IL1RAPL2: variants seen among roughly 807,000 people sequenced by gnomAD.
The protein encoded by IL1RAPL2 is interleukin 1 receptor accessory protein like 2.
A neutral mutation model predicts 44.1 loss-of-function variants in IL1RAPL2; 3 were observed. The observed-to-expected ratio is 0.07, with a 90% CI of 0.03 to 0.18. The LOEUF (loss-of-function observed/expected upper bound fraction) is 0.18, where lower values mean the gene tolerates loss of function less well. Ranked by LOEUF, IL1RAPL2 falls within the 10% of genes least tolerant of loss-of-function variation. The pLI, the probability that IL1RAPL2 is intolerant of heterozygous loss-of-function variation, is 1.00. For missense variants in IL1RAPL2, 391 were observed against 496.4 expected, an observed-to-expected ratio of 0.79 and a Z score of 2.02; for synonymous variants, 181 against 178.8, an observed-to-expected ratio of 1.01 and a Z score of -0.10.
At chrX:105,593,418 T>C (rs778806917) in intron 6 of IL1RAPL2, among the ~76,000 whole-genome samples, 6 of 111,961 alleles carry the variant, frequency 5.4e-5, no homozygotes, top group Admixed American at 9.5e-5. Context: ...AGATCCTGAA[T>C]TCCATGTCTG....
chrX:105,610,881 G>A (rs1279771735), intron 6 of IL1RAPL2, among the ~76,000 whole-genome samples: 1 of 2,514 alleles, frequency 4.0e-4, no homozygotes, highest in African/African-American at 1.5e-3. Context: ...CACAAAAAAC[G>A]GTTAATTGTA....
At chrX:105,736,022 G>C in intron 7 of IL1RAPL2, among the ~76,000 whole-genome samples, 1 of 111,235 alleles carries the variant, frequency 9.0e-6, no homozygotes. Context: ...GCATGGTACT[G>C]GTACAAAAAC....
At chrX:105,318,230 C>G (rs1015081338) in intron 5 of IL1RAPL2, among the ~76,000 whole-genome samples, 19 of 111,317 alleles carry the variant, frequency 1.7e-4, no homozygotes, top group African/African-American at 6.2e-4. Context: ...ACCTCGGCCT[C>G]CCAAAGTGGT....
At chrX:104,950,569 C>T in intron 2 of IL1RAPL2, among the ~76,000 whole-genome samples, 1 of 112,817 alleles carries the variant, frequency 8.9e-6, no homozygotes, top group Admixed American at 9.3e-5. Flanking sequence ...CCTCCCCCAG[C>T]CTGGCTGCCG....
At chrX:105,171,936 G>A (rs1299971554) in intron 2 of IL1RAPL2, among the ~76,000 whole-genome samples, 1 of 112,229 alleles carries the variant, frequency 8.9e-6, no homozygotes, top group African/African-American at 3.2e-5. Flanking sequence ...GAGGAGTCAC[G>A]ATGTGACAGT....
At chrX:105,432,129 C>CTTTTTTT (rs386417369) in intron 5 of IL1RAPL2, among the ~76,000 whole-genome samples, 4 of 44,833 alleles carry the variant, frequency 8.9e-5, no homozygotes, top group Non-Finnish European at 1.1e-4. Flanking sequence ...TTCAATTTGC[C>CTTTTTTT]TTTTTTTTTT....
At chrX:105,029,257 T>C (rs1222096525) in intron 2 of IL1RAPL2, among the ~76,000 whole-genome samples, 2 of 107,524 alleles carry the variant, frequency 1.9e-5, no homozygotes, top group Non-Finnish European at 3.9e-5. Context: ...ATTTTTATTT[T>C]ATTATTATTA....
chrX:105,727,803 T>G (rs768637421), intron 7 of IL1RAPL2, among the ~76,000 whole-genome samples: 1 of 111,869 alleles, frequency 8.9e-6, no homozygotes, highest in Non-Finnish European at 1.9e-5. Context: ...CATATATAAC[T>G]TTTAAAACAT....
intron 6 of IL1RAPL2, among the ~76,000 whole-genome samples, chrX:105,567,647 A>G (rs997675982): frequency 9.0e-6 from 1 of 111,562 alleles, no homozygotes. Context: ...TTCCATTGCA[A>G]TGTCATTCTG....
chrX:105,617,222 T>C (rs1359719513), intron 6 of IL1RAPL2, among the ~76,000 whole-genome samples: 1 of 111,046 alleles, frequency 9.0e-6, no homozygotes, highest in Admixed American at 9.7e-5. Context: ...ACCAAGAAAA[T>C]TTCTCTACAG....
At chrX:105,156,733 A>G (rs1377132827) in intron 2 of IL1RAPL2, among the ~76,000 whole-genome samples, 6 of 112,388 alleles carry the variant, frequency 5.3e-5, no homozygotes, top group African/African-American at 1.9e-4. Flanking sequence ...TATGATCCCA[A>G]TATTATAAAG....
chrX:104,874,084 C>T (rs775340314), intron 2 of IL1RAPL2, among the ~76,000 whole-genome samples: 4 of 106,639 alleles, frequency 3.8e-5, no homozygotes, highest in Admixed American at 1.0e-4. Flanking sequence ...AGTGAATAGC[C>T]GTGTTAATCT....
At chrX:105,330,329 C>T (rs1049909079) in intron 5 of IL1RAPL2, among the ~76,000 whole-genome samples, 1 of 110,821 alleles carries the variant, frequency 9.0e-6, no homozygotes, top group African/African-American at 3.3e-5. Context: ...GTTTTCTGAT[C>T]TCAAAAAGCT....
intron 4 of IL1RAPL2, among the ~76,000 whole-genome samples, chrX:105,235,637 T>G (rs2034113859): frequency 8.9e-6 from 1 of 111,884 alleles, no homozygotes; most frequent in African/African-American, 3.2e-5. Context: ...AAGACAATAT[T>G]GTGACAGATA....
At chrX:104,689,338 A>T (rs1403304929) in intron 2 of IL1RAPL2, among the ~76,000 whole-genome samples, 3 of 111,282 alleles carry the variant, frequency 2.7e-5, no homozygotes. Context: ...GCACATGCTT[A>T]CCTAATTTTC....
intron 1 of IL1RAPL2, among the ~76,000 whole-genome samples, chrX:104,568,639 C>T (rs1262320254): frequency 8.9e-6 from 1 of 111,924 alleles, no homozygotes; most frequent in African/African-American, 3.2e-5. Flanking sequence ...AGCAGGGTCT[C>T]GGATACTTAG....
intron 2 of IL1RAPL2, among the ~76,000 whole-genome samples, chrX:104,976,909 A>AC (rs1423829888): frequency 9.1e-6 from 1 of 110,367 alleles, no homozygotes; most frequent in South Asian, 3.9e-4. Context: ...GCCAAAAAAA[A>AC]AAAAGACTGC....
chrX:104,714,355 T>C (rs1024373618), intron 2 of IL1RAPL2, among the ~76,000 whole-genome samples: 17 of 111,350 alleles, frequency 1.5e-4, no homozygotes, highest in African/African-American at 5.5e-4. Flanking sequence ...AATTCCCACC[T>C]GTCAAGGGTG....
chrX:105,218,432 C>T (rs1399270090), intron 3 of IL1RAPL2, among the ~76,000 whole-genome samples: 3 of 111,180 alleles, frequency 2.7e-5, no homozygotes, highest in Admixed American at 1.9e-4. Flanking sequence ...ATCATGGAAT[C>T]GGCCTCTCTG....
Sources: allele counts gnomAD v4.1 joint callset (sites outside exome capture counted in the v4.1 genomes callset), GRCh38; gene constraint gnomAD v4.1.1; transcripts MANE v1.5; gene names NCBI Gene and HGNC (gene_info 2026-07-23, HGNC 2026-07-21).